Variants in DGKB observed in about 807,000 individuals in gnomAD.
DGKB encodes the protein diacylglycerol kinase beta, also known as 90 kDa diacylglycerol kinase.
DGKB carries 67 observed loss-of-function variants against 114.3 expected under a neutral mutation model. That is an observed-to-expected ratio of 0.59 (90% CI 0.48 to 0.72). DGKB has a LOEUF of 0.72. Ranked by LOEUF, DGKB falls within the 30% of genes least tolerant of loss-of-function variation. The pLI is 0.00. For missense variants in DGKB, 907 were observed against 975.2 expected (o/e 0.93, Z 0.93); for synonymous variants, 398 against 323.1 (o/e 1.23, Z -2.49).
In DGKB at chr7:14,322,967, C is replaced by G. The variant is rs531618149; in HGVS notation, c.2122+15548G>C. 4.6e-5 allele frequency among the ~76,000 whole-genome samples: 7 copies of G among 152,188 alleles called. No individual in the cohort carries two copies. The East Asian group carries it at 1.4e-3, about 29-fold the overall frequency. ...CCCTTGTGCACTGCTGATCATAGCG[C>G]AAATCAGTACAATCACTTTTAGTAG... On this transcript the variant is annotated intron_variant, in intron 23 of 25. Coordinates refer to ENST00000402815, the MANE Select transcript of DGKB (RefSeq NM_001350709.2).
At chr7:14,641,235 ATATAGGGATTTGGTT>A (rs1811721145) in intron 13 of DGKB, among the ~76,000 whole-genome samples, 7 of 24,480 alleles carry the variant, frequency 2.9e-4, no homozygotes, top group East Asian at 7.8e-4. Context: ...ACTTTTTACA[ATATAGGGATTTGGTT>A]TACAATATAG....
rs58061044 is a variant in DGKB at position 14,726,754 on chromosome 7, A to G, written c.323-8069T>C. Among the ~76,000 whole-genome samples, 27 of 152,322 alleles carry G rather than the reference A, an allele frequency of 1.8e-4. No homozygotes were observed. In the East Asian group the frequency reaches 5.2e-3, roughly 29 times the overall value. On this transcript the variant is annotated intron_variant, in intron 5 of 25. Coordinates refer to ENST00000402815, the MANE Select transcript of DGKB (RefSeq NM_001350709.2). Reference sequence around the variant, plus strand: ...ACATATATTTGCCAAATCTTTACGTATGATTTTTCTTATTGCTCATCTGTG... The same window carrying G: ...ACATATATTTGCCAAATCTTTACGTGTGATTTTTCTTATTGCTCATCTGTG...
chr7:14,933,817 T>C (rs1203475485), intron 1 of DGKB, among the ~76,000 whole-genome samples: 1 of 152,174 alleles, frequency 6.6e-6, no homozygotes, highest in Non-Finnish European at 1.5e-5. Flanking sequence ...ATTAAAAATA[T>C]CTAATTTTCA....
intron 20 of DGKB, among the ~76,000 whole-genome samples, chr7:14,535,854 G>T (rs536831542): frequency 3.3e-5 from 5 of 151,990 alleles, no homozygotes; most frequent in Admixed American, 6.6e-5. Flanking sequence ...CATCGTACTG[G>T]GATTATAGGC....
chr7:14,602,293 T>A (rs577161747), intron 17 of DGKB, among the ~76,000 whole-genome samples: 1 of 152,174 alleles, frequency 6.6e-6, no homozygotes, highest in Non-Finnish European at 1.5e-5. Flanking sequence ...GGGTTTTAGA[T>A]TTTTGAGTTG....
At chr7:14,376,703 CAT>C (rs748772688) in intron 21 of DGKB, among the ~76,000 whole-genome samples, 7 of 152,116 alleles carry the variant, frequency 4.6e-5, no homozygotes, top group Non-Finnish European at 8.8e-5. Context: ...TTCAGTAGCA[CAT>C]GTGTTGCCTG....
At chr7:14,542,737 A>C (rs898061359) in intron 20 of DGKB, among the ~76,000 whole-genome samples, 6 of 152,194 alleles carry the variant, frequency 3.9e-5, no homozygotes, top group African/African-American at 1.4e-4. Context: ...TGAGATTTTT[A>C]ACCATGTGTC....
intron 20 of DGKB, among the ~76,000 whole-genome samples, chr7:14,530,618 C>T (rs1437293544): frequency 6.6e-6 from 1 of 151,312 alleles, no homozygotes; most frequent in East Asian, 1.9e-4. Context: ...CATGAAAATA[C>T]AGATGAGATA....
At chr7:14,594,076 T>A (rs887004289) in intron 17 of DGKB, among the ~76,000 whole-genome samples, 1 of 152,124 alleles carries the variant, frequency 6.6e-6, no homozygotes, top group Non-Finnish European at 1.5e-5. Flanking sequence ...AATTCTAGAA[T>A]TGCAAATATA....
intron 2 of DGKB, among the ~76,000 whole-genome samples, chr7:14,832,686 A>T (rs1355654486): frequency 1.3e-5 from 2 of 151,994 alleles, no homozygotes; most frequent in Non-Finnish European, 2.9e-5. Context: ...TTCTGGTTAC[A>T]ATTTCTCAGT....
chr7:14,204,613 T>C (rs1258009551), intron 23 of DGKB, among the ~76,000 whole-genome samples: 2 of 152,052 alleles, frequency 1.3e-5, no homozygotes, highest in African/African-American at 4.8e-5. Flanking sequence ...AAACTCTTCA[T>C]TGGCCCTTTG....
intron 2 of DGKB, among the ~76,000 whole-genome samples, chr7:14,772,272 CTT>C (rs1301439702): frequency 6.6e-6 from 1 of 152,108 alleles, no homozygotes; most frequent in Non-Finnish European, 1.5e-5. Context: ...GAGTTTGACT[CTT>C]TTCATTGACA....
At chr7:14,249,113 T>C (rs1273969740) in intron 23 of DGKB, among the ~76,000 whole-genome samples, 1 of 152,228 alleles carries the variant, frequency 6.6e-6, no homozygotes, top group African/African-American at 2.4e-5. Context: ...ACATGGTTTT[T>C]GTACATCATT....
chr7:14,744,705 A>C (rs751723482), intron 4 of DGKB, among the ~76,000 whole-genome samples: 6 of 152,214 alleles, frequency 3.9e-5, no homozygotes, highest in African/African-American at 1.4e-4. Context: ...ATAAGACTGA[A>C]GTCTATTTTG....
intron 4 of DGKB, among the ~76,000 whole-genome samples, chr7:14,751,447 T>C (rs1158475596): frequency 1.3e-5 from 2 of 152,210 alleles, no homozygotes; most frequent in Non-Finnish European, 2.9e-5. Context: ...AAGAAAGCAA[T>C]TGATCACAAT....
intron 5 of DGKB, among the ~76,000 whole-genome samples, chr7:14,722,175 TG>T (rs1249699006): frequency 4.6e-5 from 7 of 152,206 alleles, no homozygotes; most frequent in Non-Finnish European, 1.0e-4. Flanking sequence ...TCTATGAGTT[TG>T]GACAGGTGTA....
At chr7:14,685,405 A>C in intron 9 of DGKB, 43 bp from the exon 10 acceptor site, 1 of 1,404,664 alleles carries the variant, frequency 7.1e-7, no homozygotes, top group Non-Finnish European at 1.0e-6. Flanking sequence ...TAATGAAATA[A>C]ACAGTGAAAG....
chr7:14,715,024 A>T (rs1400891748), intron 6 of DGKB, among the ~76,000 whole-genome samples: 1 of 152,190 alleles, frequency 6.6e-6, no homozygotes, highest in African/African-American at 2.4e-5. Flanking sequence ...TAGTTATCCC[A>T]TGGGACAGAG....
At chr7:14,675,725 C>T (rs1585563117) in intron 12 of DGKB, among the ~76,000 whole-genome samples, 1 of 151,952 alleles carries the variant, frequency 6.6e-6, no homozygotes, top group African/African-American at 2.4e-5. Context: ...ACCATACTAT[C>T]ATCTGTTAAA....
Sources: allele counts gnomAD v4.1 joint callset (sites outside exome capture counted in the v4.1 genomes callset), GRCh38; gene constraint gnomAD v4.1.1; transcripts MANE v1.5; gene names NCBI Gene and HGNC (gene_info 2026-07-23, HGNC 2026-07-21).